The following SEPTIN9 variants were observed in gnomAD, a reference collection of about 807,000 sequenced individuals.
SEPTIN9 encodes septin-9.
A neutral mutation model predicts 56.6 loss-of-function variants in SEPTIN9; 13 were observed. The ratio of observed to expected loss-of-function variants is 0.23; its 90% confidence interval spans 0.15 to 0.37. SEPTIN9 has a LOEUF of 0.37. SEPTIN9 is among the 10% of genes least tolerant of loss of function. The pLI is 1.00. For synonymous variants in SEPTIN9, 332 were observed against 334.1 expected (o/e 0.99, Z 0.07); for missense variants, 650 against 823.1 (o/e 0.79, Z 2.57).
intron 3 of SEPTIN9, among the ~76,000 whole-genome samples, chr17:77,440,185 C>T (rs188693843): frequency 1.4e-4 from 22 of 152,166 alleles, no homozygotes; most frequent in South Asian, 4.1e-4. Flanking sequence ...GATGGAGTCT[C>T]GCTCCGTCAC....
intron 3 of SEPTIN9, among the ~76,000 whole-genome samples, chr17:77,448,484 C>CAA (rs746241410): frequency 6.7e-5 from 8 of 118,918 alleles, no homozygotes; most frequent in Non-Finnish European, 1.1e-4. Flanking sequence ...CCCCGGCAAC[C>CAA]AAAAAAAAAA....
At position 77,373,747 on chromosome 17, in the gene SEPTIN9, C is replaced by A. The variant is rs548474771; in HGVS notation, c.77-28312C>A. On this transcript the variant is annotated intron_variant, in intron 2 of 11. Transcript: ENST00000427177. ...TGCCCGCGCCGCCTACGTGGGGGAC[C>A]CTGTTAGGGGCACCCGCGTAGACCC... 23 of 1,150,752 alleles carry A rather than the reference C, an allele frequency of 2.0e-5. 1 individual carries two copies. In the East Asian group the frequency reaches 7.3e-4, roughly 36 times the overall value. The allele number at this position is 1,150,752 out of a possible 1,614,324, so 71.3% of individuals were successfully genotyped here. A position where few individuals can be genotyped will look rare whatever the true frequency, so the allele number is the denominator to read the frequency against.
At position 77,450,458 on chromosome 17, in the gene SEPTIN9, C is replaced by T. The variant is rs2037921687; in HGVS notation, c.722-31686C>T. 1 of 984,330 alleles carries T rather than the reference C, an allele frequency of 1.0e-6. No individual in the cohort carries two copies. Among genetic ancestry groups the T allele is most frequent in the African/African-American group, 1.7e-5 (1 of 57,214 alleles). 61.0% of individuals were successfully genotyped at this position (984,330 alleles called of 1,614,324 possible). A position where few individuals can be genotyped will look rare whatever the true frequency, so the allele number is the denominator to read the frequency against. ...TGAATCCCTCCCAGCCCCCAGCAAG[C>T]CCTCGGAACGAGCCCACTCCCAGGC... On this transcript the variant is annotated intron_variant, in intron 3 of 11. Coordinates refer to ENST00000427177, the MANE Select transcript of SEPTIN9 (RefSeq NM_001113491.2). The surrounding 1 kb of genome is among the most constrained non-coding windows in gnomAD (Gnocchi z 6.0).
intron 3 of SEPTIN9, among the ~76,000 whole-genome samples, chr17:77,416,094 G>C (rs920252788): frequency 6.6e-6 from 1 of 152,246 alleles, no homozygotes; most frequent in East Asian, 1.9e-4. Flanking sequence ...GCACAGCCCT[G>C]TCAGAGTTTG....
chr17:77,347,671 T>G (rs900207195), intron 2 of SEPTIN9, among the ~76,000 whole-genome samples: 2 of 151,864 alleles, frequency 1.3e-5, no homozygotes, highest in Non-Finnish European at 1.5e-5. Context: ...ATGGAGAAAC[T>G]TATGATGGTT....
chr17:77,300,684 ACGCCCC>A (rs2031997362), intron 1 of SEPTIN9, among the ~76,000 whole-genome samples: 1 of 148,236 alleles, frequency 6.7e-6, no homozygotes, highest in South Asian at 2.1e-4. Context: ...TGCATCCTGG[ACGCCCC>A]CACCCCAGGC....
At chr17:77,432,272 C>T (rs1014054315) in intron 3 of SEPTIN9, among the ~76,000 whole-genome samples, 6 of 152,220 alleles carry the variant, frequency 3.9e-5, no homozygotes, top group African/African-American at 1.2e-4. Context: ...GTTCATAGAG[C>T]AAAGTGCTTA....
At chr17:77,287,363 G>T (rs544480142) in intron 1 of SEPTIN9, among the ~76,000 whole-genome samples, 17 of 152,348 alleles carry the variant, frequency 1.1e-4, no homozygotes, top group African/African-American at 4.1e-4. Flanking sequence ...AAATTTGCCA[G>T]GAGGCCTGGC....
chr17:77,356,457 T>A (rs1419772864), intron 2 of SEPTIN9, among the ~76,000 whole-genome samples: 1 of 151,558 alleles, frequency 6.6e-6, no homozygotes, highest in Non-Finnish European at 1.5e-5. Flanking sequence ...CAGCTCTTTC[T>A]CACTCTGTGC....
At chr17:77,403,765 C>T (rs773403030) in intron 3 of SEPTIN9, among the ~76,000 whole-genome samples, 1 of 152,188 alleles carries the variant, frequency 6.6e-6, no homozygotes, top group Non-Finnish European at 1.5e-5. Context: ...TATTTCTAAC[C>T]GTGGTGAAAT....
chr17:77,495,388 G>A (rs1203089722), intron 10 of SEPTIN9, among the ~76,000 whole-genome samples: 4 of 152,184 alleles, frequency 2.6e-5, no homozygotes, highest in East Asian at 1.9e-4. Flanking sequence ...CCTGACACCC[G>A]GACTAGTAAG....
intron 4 of SEPTIN9, among the ~76,000 whole-genome samples, chr17:77,485,062 GGTAATGGTGATGGTGGT>G (rs2039687558): frequency 1.5e-5 from 2 of 129,668 alleles, no homozygotes; most frequent in Non-Finnish European, 1.7e-5. Context: ...TTGTGGTGGT[GGTAATGGTGATGGTGGT>G]AAAGGGGTGA....
intron 2 of SEPTIN9, among the ~76,000 whole-genome samples, chr17:77,312,379 T>C (rs886750509): frequency 2.6e-5 from 4 of 152,174 alleles, no homozygotes; most frequent in African/African-American, 9.7e-5. Flanking sequence ...CTGATACCGC[T>C]TTCCAGCCTG....
intron 3 of SEPTIN9, among the ~76,000 whole-genome samples, chr17:77,411,048 G>A (rs1046637835): frequency 6.6e-6 from 1 of 151,030 alleles, no homozygotes; most frequent in African/African-American, 2.4e-5. Flanking sequence ...TTGTGCCAGT[G>A]CAGTCCAGCC....
At chr17:77,471,401 CT>C (rs1045154701) in intron 3 of SEPTIN9, among the ~76,000 whole-genome samples, 2 of 152,258 alleles carry the variant, frequency 1.3e-5, no homozygotes, top group African/African-American at 4.8e-5. Context: ...TGGGGGAAAG[CT>C]TTTTTTCTAC....
intron 2 of SEPTIN9, among the ~76,000 whole-genome samples, chr17:77,337,629 A>G (rs1011719782): frequency 6.6e-6 from 1 of 152,114 alleles, no homozygotes; most frequent in Non-Finnish European, 1.5e-5. Flanking sequence ...TGGACCTAGA[A>G]TTTTCTACTA....
intron 3 of SEPTIN9, among the ~76,000 whole-genome samples, chr17:77,431,138 C>T (rs988043610): frequency 2.0e-5 from 3 of 152,150 alleles, no homozygotes; most frequent in Non-Finnish European, 4.4e-5. Context: ...GCCAGGCGTT[C>T]GAGACCAGTC....
intron 2 of SEPTIN9, among the ~76,000 whole-genome samples, chr17:77,388,255 C>T (rs1210952594): frequency 3.9e-5 from 6 of 152,174 alleles, no homozygotes; most frequent in Non-Finnish European, 8.8e-5. Context: ...TCCCCTCAGT[C>T]ACACCCTGGG....
intron 2 of SEPTIN9, among the ~76,000 whole-genome samples, chr17:77,331,388 T>C (rs946784531): frequency 4.6e-5 from 7 of 151,338 alleles, no homozygotes; most frequent in Non-Finnish European, 8.8e-5. Flanking sequence ...GCCTGTGTGA[T>C]ATGTTTGTCG....
Sources: gnomAD v4.1 joint callset for allele counts (sites outside exome capture counted in the v4.1 genomes callset) on GRCh38, gnomAD v4.1.1 for gene constraint, Gnocchi (gnomAD v3.1) non-coding constraint, MANE v1.5 for transcripts, NCBI Gene and HGNC (gene_info 2026-07-23, HGNC 2026-07-21) for gene names.